Variants in AK8 observed in about 807,000 individuals in gnomAD.
The protein encoded by AK8 is adenylate kinase 8, also known as ATP-AMP transphosphorylase 8.
In AK8, 44 loss-of-function variants were observed where a neutral mutation model predicts 54.6. The observed-to-expected ratio is 0.81, with a 90% CI of 0.63 to 1.04. The LOEUF (loss-of-function observed/expected upper bound fraction) is 1.04, where lower values mean the gene tolerates loss of function less well. AK8 is among the 50% of genes least tolerant of loss of function. The probability of loss-of-function intolerance (pLI) is 0.00; values close to 1 mark genes in which losing one functional copy is unlikely to be tolerated. For missense variants in AK8, 555 were observed against 613.6 expected, an observed-to-expected ratio of 0.90 and a Z score of 1.01; for synonymous variants, 239 against 245.6, an observed-to-expected ratio of 0.97 and a Z score of 0.25.
chr9:132,779,090 C>T (rs1478147210), intron 11 of AK8, among the ~76,000 whole-genome samples: 1 of 149,956 alleles, frequency 6.7e-6, no homozygotes, highest in African/African-American at 2.5e-5. Flanking sequence ...AAGCAGGTCA[C>T]CATTAGAGAA....
chr9:132,783,455 C>T (rs545561472), intron 11 of AK8, among the ~76,000 whole-genome samples: 3 of 152,066 alleles, frequency 2.0e-5, no homozygotes, highest in African/African-American at 7.2e-5. Flanking sequence ...AATATGCCAA[C>T]TCACACTATT....
chr9:132,841,425 G>A (rs1396061431), intron 5 of AK8, among the ~76,000 whole-genome samples: 1 of 152,242 alleles, frequency 6.6e-6, no homozygotes, highest in Non-Finnish European at 1.5e-5. Flanking sequence ...CTGCAGCGGC[G>A]TGGGGGTAGC....
intron 10 of AK8, among the ~76,000 whole-genome samples, chr9:132,812,096 T>C (rs1267722585): frequency 2.0e-5 from 3 of 152,200 alleles, no homozygotes; most frequent in Non-Finnish European, 4.4e-5. Context: ...TTAGGTTAAT[T>C]TGGTATCACA....
chr9:132,728,246 C>T (rs1449734224), intron 11 of AK8, among the ~76,000 whole-genome samples: 3 of 152,228 alleles, frequency 2.0e-5, no homozygotes, highest in Non-Finnish European at 4.4e-5. Flanking sequence ...GACAGCAGGG[C>T]TCCCTGCAAG....
At position 132,865,032 on chromosome 9, in the gene AK8, G is replaced by C. The variant is rs1843530590; in HGVS notation, c.220-1254C>G. Among the ~76,000 whole-genome samples, 4 of 152,152 alleles carry C rather than the reference G, an allele frequency of 2.6e-5. No homozygotes were observed. The South Asian group carries it at 6.2e-4, about 24-fold the overall frequency. On this transcript the variant is annotated intron_variant, in intron 3 of 12. Transcript: ENST00000298545. The stretch of plus-strand genomic sequence containing the variant: ...CTAGTTTTTTGGGGCTCTGCTCCAG[G>C]AGATTCTGATGAGGTTGGTCTGCAG...
At chr9:132,861,519 T>C (rs938605734) in intron 4 of AK8, 2 of 152,214 alleles carry the variant, frequency 1.3e-5, no homozygotes, top group African/African-American at 4.8e-5. Flanking sequence ...AAACTCATCT[T>C]TGACTCTCCC....
At chr9:132,757,183 G>C (rs1437609919) in intron 11 of AK8, among the ~76,000 whole-genome samples, 1 of 151,996 alleles carries the variant, frequency 6.6e-6, no homozygotes, top group Non-Finnish European at 1.5e-5. Flanking sequence ...TCCAGAAGCT[G>C]CCACGGGGAC....
Position 132,792,614 on chromosome 9 carries a change from G to T in AK8, c.1121+20C>A. 1 of 1,548,664 alleles carries T rather than the reference G, an allele frequency of 6.5e-7. No homozygotes were observed. Among genetic ancestry groups the T allele is most frequent in the African/African-American group, 1.4e-5 (1 of 73,348 alleles). On this transcript the variant is annotated intron_variant, in intron 11 of 12. Coordinates refer to ENST00000298545, the MANE Select transcript of AK8 (RefSeq NM_152572.3). ...CCCAGGGGCTTGGCCAGGGCTGCTG[G>T]CTTGGCTGGGGCAGCTCACCTGTTG...
chr9:132,786,945 A>T (rs1328103387), intron 11 of AK8, among the ~76,000 whole-genome samples: 1 of 152,148 alleles, frequency 6.6e-6, no homozygotes, highest in Non-Finnish European at 1.5e-5. Flanking sequence ...TAAAAGGAAT[A>T]TTCAGAAAAC....
chr9:132,865,762 G>A (rs750009014), intron 3 of AK8, among the ~76,000 whole-genome samples: 3 of 150,500 alleles, frequency 2.0e-5, no homozygotes, highest in East Asian at 2.0e-4. Context: ...GCAGTGAGCC[G>A]AGATCGCACC....
rs368717209 is a variant in AK8 at position 132,725,802 on chromosome 9, G to C, written c.1326C>G (p.Asp442Glu). Residue 442 changes from aspartate to glutamate, a missense_variant, in exon 13 of 13, where the codon GAC becomes GAG. Transcript: ENST00000298545. ...KMDLFYRNSA[D>E]LEQLYGSAIT... ...TGGCCGACCCATACAACTGCTCCAA[G>C]TCAGCTGAGTTCCTGTAGAACAGGT... The C allele has an allele frequency of 6.2e-7, 1 of 1,605,876 alleles. No individual in the cohort carries two copies. Among genetic ancestry groups the C allele is most frequent in the Non-Finnish European group, 8.5e-7 (1 of 1,176,494 alleles).
At chr9:132,833,813 T>C (rs1478321950) in intron 5 of AK8, among the ~76,000 whole-genome samples, 1 of 152,288 alleles carries the variant, frequency 6.6e-6, no homozygotes, top group African/African-American at 2.4e-5. Flanking sequence ...CGTCCGGCTT[T>C]GTGCGAACAC....
chr9:132,748,739 T>C (rs1418757215), intron 11 of AK8, among the ~76,000 whole-genome samples: 1 of 151,858 alleles, frequency 6.6e-6, no homozygotes, highest in Non-Finnish European at 1.5e-5. Context: ...ATATGTACTA[T>C]GAAAAGACCA....
At chr9:132,754,995 C>T (rs1249936153) in intron 11 of AK8, among the ~76,000 whole-genome samples, 1 of 152,086 alleles carries the variant, frequency 6.6e-6, no homozygotes, top group Non-Finnish European at 1.5e-5. Context: ...GATGGGGTTT[C>T]ACCATGTTGG....
At chr9:132,867,073 G>T in intron 2 of AK8, 120 bp from the exon 3 acceptor site, 1 of 946,516 alleles carries the variant, frequency 1.1e-6, no homozygotes, top group Non-Finnish European at 1.7e-6. Context: ...CAGTGACACG[G>T]CCATTTGTAA....
At chr9:132,740,253 C>G (rs1837309113) in intron 11 of AK8, among the ~76,000 whole-genome samples, 1 of 152,186 alleles carries the variant, frequency 6.6e-6, no homozygotes, top group Non-Finnish European at 1.5e-5. Flanking sequence ...ATGTAAATGT[C>G]TGGTTTTATG....
chr9:132,787,658 T>C (rs567024948), intron 11 of AK8, among the ~76,000 whole-genome samples: 2 of 152,284 alleles, frequency 1.3e-5, no homozygotes, highest in East Asian at 1.9e-4. Flanking sequence ...AGCCATGTGA[T>C]ATAGAAATAA....
At chr9:132,752,998 G>A (rs1273073571) in intron 11 of AK8, among the ~76,000 whole-genome samples, 1 of 152,158 alleles carries the variant, frequency 6.6e-6, no homozygotes, top group African/African-American at 2.4e-5. Flanking sequence ...CGTCTGGAAC[G>A]GTGCCTGGCA....
At chr9:132,798,689 GT>G (rs111989687) in intron 10 of AK8, among the ~76,000 whole-genome samples, 192 of 148,928 alleles carry the variant, frequency 1.3e-3, no homozygotes, top group African/African-American at 3.6e-3. Context: ...GGTTTCGTTT[GT>G]TTTTTTTTTT....
Sources: allele counts gnomAD v4.1 joint callset (sites outside exome capture counted in the v4.1 genomes callset), GRCh38; gene constraint gnomAD v4.1.1; transcripts MANE v1.5; gene names NCBI Gene and HGNC (gene_info 2026-07-23, HGNC 2026-07-21).